Variants in SEMA6A observed in about 807,000 individuals in gnomAD.
SEMA6A encodes the protein semaphorin-6A.
A neutral mutation model predicts 96.8 loss-of-function variants in SEMA6A; 25 were observed. The observed-to-expected ratio is 0.26, with a 90% confidence interval of 0.19 to 0.36. The LOEUF (loss-of-function observed/expected upper bound fraction) is 0.36. Ranked by LOEUF, SEMA6A falls within the 10% of genes least tolerant of loss-of-function variation. The pLI, the probability that SEMA6A is intolerant of heterozygous loss-of-function variation, is 1.00. For synonymous variants in SEMA6A, 612 were observed against 518.0 expected, an observed-to-expected ratio of 1.18 and a Z score of -2.46; for missense variants, 1,363 against 1,323.1, an observed-to-expected ratio of 1.03 and a Z score of -0.47.
intron 18 of SEMA6A, among the ~76,000 whole-genome samples, chr5:116,460,790 T>C (rs1433412493): frequency 6.7e-6 from 1 of 149,480 alleles, no homozygotes; most frequent in African/African-American, 2.5e-5. Context: ...TCTCTTTTTT[T>C]TTTTTTTTTT....
intron 17 of SEMA6A, 21 bp downstream of exon 17, chr5:116,473,052 T>TCAA (rs754081613): frequency 1.3e-6 from 2 of 1,586,976 alleles, no homozygotes; most frequent in Admixed American, 3.5e-5. Context: ...TATGGAATTA[T>TCAA]GAGAGTAATA....
chr5:116,551,850 T>G (rs1336466590), intron 1 of SEMA6A, among the ~76,000 whole-genome samples: 5 of 152,190 alleles, frequency 3.3e-5, no homozygotes, highest in Non-Finnish European at 7.3e-5. Context: ...ATAATCCCAC[T>G]AAAGAATTAG....
intron 15 of SEMA6A, among the ~76,000 whole-genome samples, chr5:116,477,394 G>A (rs907843933): frequency 6.6e-6 from 1 of 152,212 alleles, no homozygotes; most frequent in Non-Finnish European, 1.5e-5. Flanking sequence ...TATACACCAT[G>A]CTTGCAGTAC....
chr5:116,479,961 G>A (rs976800586), intron 12 of SEMA6A, among the ~76,000 whole-genome samples, 161 bp downstream of exon 12: 1 of 152,206 alleles, frequency 6.6e-6, no homozygotes, highest in East Asian at 1.9e-4. Context: ...GTGTATAGGG[G>A]TTTAGTGGTA....
Position 116,574,263 on chromosome 5 carries a change from A to C in SEMA6A, c.-117T>G, listed in dbSNP as rs983071745. On this transcript the variant is annotated 5_prime_UTR_variant, in exon 1 of 19. The change abolishes the stop of an existing upstream ORF in the 5' untranslated region. Transcript: ENST00000343348. ...CGTGTATCCCATTTAGTAATCCATT[A>C]TCGAGGGGATCTCTCCGGGCCGCGG... is the stretch of plus-strand genomic sequence containing the variant. 1 of 152,172 alleles carries C rather than the reference A, an allele frequency of 6.6e-6. No individual in the cohort carries two copies. Among genetic ancestry groups the C allele is most frequent in the South Asian group, 2.1e-4 (1 of 4,808 alleles). 9.4% of individuals were successfully genotyped at this position (152,172 alleles called of 1,614,324 possible).
Position 116,505,695 on chromosome 5 carries a change from A to G in SEMA6A, c.-38-713T>C, listed in dbSNP as rs527414805. Among the ~76,000 whole-genome samples, 11 of 152,332 alleles carry G rather than the reference A, an allele frequency of 7.2e-5. No homozygotes were observed. The East Asian group carries it at 1.7e-3, about 24-fold the overall frequency. On this transcript the variant is annotated intron_variant, in intron 1 of 18. Coordinates refer to ENST00000343348, the MANE Select transcript of SEMA6A (RefSeq NM_020796.5). ...CATTCTGAAACGGTATTGTTGATTT[A>G]AAAAGTCATATCTCTATATATTTTG...
At chr5:116,540,464 G>A (rs1759909946) in intron 1 of SEMA6A, among the ~76,000 whole-genome samples, 1 of 152,126 alleles carries the variant, frequency 6.6e-6, no homozygotes, top group Non-Finnish European at 1.5e-5. Context: ...CTTGATTTCT[G>A]GCTATAGCTT....
chr5:116,456,835 A>G (rs755394994), intron 18 of SEMA6A, among the ~76,000 whole-genome samples: 7 of 151,974 alleles, frequency 4.6e-5, no homozygotes, highest in Non-Finnish European at 7.4e-5. Context: ...CTCAAAACCC[A>G]CTCCCTCAAC....
At chr5:116,517,748 A>C (rs1328039586) in intron 1 of SEMA6A, among the ~76,000 whole-genome samples, 1 of 152,176 alleles carries the variant, frequency 6.6e-6, no homozygotes, top group Non-Finnish European at 1.5e-5. Flanking sequence ...AGCAGAAGTG[A>C]CTGCCTCCCC....
At chr5:116,476,562 G>A (rs1296847341) in intron 15 of SEMA6A, among the ~76,000 whole-genome samples, 1 of 152,172 alleles carries the variant, frequency 6.6e-6, no homozygotes, top group Non-Finnish European at 1.5e-5. Context: ...ACTCTCCAAA[G>A]GGAACGCCCC....
intron 1 of SEMA6A, among the ~76,000 whole-genome samples, chr5:116,526,367 G>A (rs913602053): frequency 5.3e-5 from 8 of 151,744 alleles, no homozygotes; most frequent in East Asian, 3.9e-4. Flanking sequence ...TTTTTCTTTC[G>A]AAATACTTGA....
At chr5:116,504,679 A>C (rs578137474) in intron 2 of SEMA6A, among the ~76,000 whole-genome samples, 166 bp downstream of exon 2, 1 of 152,340 alleles carries the variant, frequency 6.6e-6, no homozygotes, top group South Asian at 2.1e-4. Context: ...AGTTATAGAA[A>C]AATCATCCTA....
At chr5:116,541,833 AAAACAAAC>A (rs370936195) in intron 1 of SEMA6A, among the ~76,000 whole-genome samples, 24 of 152,220 alleles carry the variant, frequency 1.6e-4, no homozygotes, top group South Asian at 1.0e-3. Flanking sequence ...ACTCCATCTC[AAAACAAAC>A]AAACAAACAA....
At chr5:116,533,471 G>A (rs1428568325) in intron 1 of SEMA6A, among the ~76,000 whole-genome samples, 1 of 152,106 alleles carries the variant, frequency 6.6e-6, no homozygotes. Flanking sequence ...GGGGGTTCTG[G>A]TTGAATGATT....
chr5:116,519,211 G>C (rs1758813597), intron 1 of SEMA6A, among the ~76,000 whole-genome samples: 1 of 152,194 alleles, frequency 6.6e-6, no homozygotes, highest in African/African-American at 2.4e-5. Context: ...CTATTTGGAA[G>C]TAAGGGAGCT....
intron 18 of SEMA6A, among the ~76,000 whole-genome samples, chr5:116,458,164 T>C (rs1293180841): frequency 2.0e-5 from 3 of 152,188 alleles, no homozygotes; most frequent in Non-Finnish European, 4.4e-5. Flanking sequence ...GATATTATTT[T>C]CCCACTTTTC....
intron 1 of SEMA6A, among the ~76,000 whole-genome samples, chr5:116,566,224 A>T (rs1298520540): frequency 6.6e-6 from 1 of 152,212 alleles, no homozygotes; most frequent in Non-Finnish European, 1.5e-5. Context: ...GAGGGGCAGA[A>T]GGGCTAAGAA....
Position 116,447,260 on chromosome 5 carries a change from C to A in SEMA6A, c.2446G>T (p.Val816Leu). ...CCCTGCTGCGTGATGGGCAGGACCACCACGCTGGGGATGTGGCTGGGGGAG... is the reference window on the plus strand; with the variant it reads ...CCCTGCTGCGTGATGGGCAGGACCAACACGCTGGGGATGTGGCTGGGGGAG... Reference protein sequence around the residue: ...RASPSHIPSVVVLPITQQGYQ... With the variant: ...RASPSHIPSVLVLPITQQGYQ... The change falls in exon 19 of 19, where the codon GTG (valine) becomes TTG (leucine). Residue 816 changes from valine (V) to leucine (L), a missense_variant. By Grantham distance (32) the Val-to-Leu change is conservative (BLOSUM62 1). Around this residue, in one of 2 missense-constraint regions of SEMA6A, gnomAD observed 883 missense variants for 763.6 expected, o/e 1.16. Transcript: ENST00000343348. 1.2e-6 allele frequency: 2 copies of A among 1,613,974 alleles called. No homozygotes were observed. The highest frequency in any genetic ancestry group is 1.7e-6 in the Non-Finnish European group (2 of 1,179,900).
At chr5:116,535,994 G>A (rs988575358) in intron 1 of SEMA6A, among the ~76,000 whole-genome samples, 2 of 152,120 alleles carry the variant, frequency 1.3e-5, no homozygotes, top group African/African-American at 4.8e-5. Context: ...TGACTCAAAA[G>A]GAAATGGTTT....
Sources: gnomAD v4.1 joint callset for allele counts (sites outside exome capture counted in the v4.1 genomes callset) on GRCh38, gnomAD v4.1.1 for gene constraint, gnomAD v4.1.1 regional missense constraint, MANE v1.5 for transcripts, NCBI Gene and HGNC (gene_info 2026-07-23, HGNC 2026-07-21) for gene names.